ATRNL1: variants seen among roughly 807,000 people sequenced by gnomAD.
ATRNL1 encodes attractin-like protein 1.
ATRNL1 carries 95 observed loss-of-function variants against 182.7 expected under a neutral mutation model. The observed-to-expected ratio is 0.52, with a 90% CI of 0.44 to 0.62. The LOEUF (loss-of-function observed/expected upper bound fraction) is 0.62, where lower values mean the gene tolerates loss of function less well. Among genes scored for constraint, ATRNL1 ranks in the 20% least tolerant of loss-of-function variants. The pLI, the probability that ATRNL1 is intolerant of heterozygous loss-of-function variation, is 0.00. For missense variants in ATRNL1, 1,471 were observed against 1,679.5 expected (o/e 0.88, Z 2.17); for synonymous variants, 576 against 568.3 (o/e 1.01, Z -0.19).
chr10:115,882,648 A>G (rs1555108891), intron 28 of ATRNL1, among the ~76,000 whole-genome samples: 1 of 152,140 alleles, frequency 6.6e-6, no homozygotes, highest in East Asian at 1.9e-4. Context: ...TTGTGGTTTT[A>G]TAGAGGAAGG....
intron 24 of ATRNL1, among the ~76,000 whole-genome samples, chr10:115,512,859 G>A (rs920594515): frequency 1.3e-5 from 2 of 151,882 alleles, no homozygotes; most frequent in Non-Finnish European, 2.9e-5. Context: ...TACAGAGCAA[G>A]CCATGTGAAG....
intron 27 of ATRNL1, among the ~76,000 whole-genome samples, chr10:115,740,511 C>CTATG (rs1407584272): frequency 2.6e-5 from 4 of 151,354 alleles, no homozygotes; most frequent in Non-Finnish European, 2.9e-5. Context: ...ATCTATCTAT[C>CTATG]TATTTTGTTT....
At chr10:115,733,411 T>G (rs1947857843) in intron 27 of ATRNL1, among the ~76,000 whole-genome samples, 1 of 152,212 alleles carries the variant, frequency 6.6e-6, no homozygotes, top group Non-Finnish European at 1.5e-5. Flanking sequence ...ATTTCGAATC[T>G]ACTTTCTATT....
intron 27 of ATRNL1, among the ~76,000 whole-genome samples, chr10:115,764,833 C>T (rs1948818153): frequency 1.3e-5 from 2 of 152,044 alleles, no homozygotes. Context: ...CCACCACACC[C>T]AGCTAAGTTT....
intron 26 of ATRNL1, among the ~76,000 whole-genome samples, chr10:115,682,477 G>A (rs1946078861): frequency 6.6e-6 from 1 of 152,038 alleles, no homozygotes; most frequent in African/African-American, 2.4e-5. Context: ...GGGGACAGAG[G>A]CTGCAGTGAG....
chr10:115,381,075 C>A lies in ATRNL1; in HGVS notation c.3176-13584C>A, dbSNP rs117967512. Among the ~76,000 whole-genome samples the A allele has an allele frequency of 1.1e-3, 167 of 152,166 alleles. 6 individuals are homozygous for A. In the East Asian group the frequency reaches 0.029, roughly 26 times the overall value. The stretch of plus-strand genomic sequence containing the variant: ...TCATTATCTGTCTTTTTTGTTATAG[C>A]CCTCCCAGTATGTGTGAAGTGATCT... On this transcript the variant is annotated intron_variant, in intron 19 of 28. Coordinates refer to ENST00000355044, the MANE Select transcript of ATRNL1 (RefSeq NM_207303.4).
chr10:115,927,115 A>C (rs1953260098), intron 28 of ATRNL1, among the ~76,000 whole-genome samples: 1 of 152,180 alleles, frequency 6.6e-6, no homozygotes, highest in Non-Finnish European at 1.5e-5. Flanking sequence ...TTCAACATAC[A>C]CAAATCAATA....
intron 27 of ATRNL1, among the ~76,000 whole-genome samples, chr10:115,801,753 T>C (rs2907576): frequency 0.78 from 118,632 of 152,042 alleles, 46,460 homozygotes; most frequent in African/African-American, 0.85. Context: ...ACTCTTGCCT[T>C]GGAAGATAAA....
rs58155967 is a variant in ATRNL1 at position 115,389,540 on chromosome 10, G to GTATATATATATATATATATA, written c.3176-5087_3176-5068dup. Among the ~76,000 whole-genome samples, 17 of 44,480 alleles carry GTATATATATATATATATATA rather than the reference G, an allele frequency of 3.8e-4. 4 individuals are homozygous for GTATATATATATATATATATA. The highest frequency in any genetic ancestry group is 5.5e-4 in the Non-Finnish European group (13 of 23,660). 29.2% of individuals were successfully genotyped at this position (44,480 alleles called of 152,430 possible). ...CTGAATAGTATTCAAATGTGTATGTGTATATATATATATATATATATATAT... is the reference window on the plus strand; with the variant it reads ...CTGAATAGTATTCAAATGTGTATGTGTATATATATATATATATATATATATATATATATATATATATATAT... On this transcript the variant is annotated intron_variant, in intron 19 of 28. Transcript: ENST00000355044.
chr10:115,493,079 TC>T (rs1849386024), intron 24 of ATRNL1, among the ~76,000 whole-genome samples: 1 of 152,142 alleles, frequency 6.6e-6, no homozygotes. Context: ...TAAAAAATAA[TC>T]TTTTTTTTTG....
intron 8 of ATRNL1, among the ~76,000 whole-genome samples, chr10:115,178,369 G>T (rs1192306319): frequency 3.9e-5 from 6 of 152,018 alleles, no homozygotes; most frequent in Non-Finnish European, 8.8e-5. Context: ...TTGCAGTAAA[G>T]GTTCCACATG....
rs1848352337 is a variant in ATRNL1 at position 115,472,475 on chromosome 10, A to G, written c.3654+3146A>G. On this transcript the variant is annotated intron_variant, in intron 24 of 28. Transcript: ENST00000355044. ...ACAATGTTAATTCTTCCAATCAATG[A>G]ACATAGGATATTTTCCATTTATTAT... 2.0e-5 allele frequency among the ~76,000 whole-genome samples: 3 copies of G among 151,146 alleles called. 1 individual carries two copies. The South Asian group carries it at 6.2e-4, about 31-fold the overall frequency.
intron 22 of ATRNL1, among the ~76,000 whole-genome samples, chr10:115,465,437 G>T (rs1400960394): frequency 1.3e-5 from 2 of 151,794 alleles, no homozygotes; most frequent in South Asian, 2.1e-4. Context: ...TACAGTCAAA[G>T]AGTTGCTCAG....
chr10:115,605,205 A>T (rs1415674277), intron 26 of ATRNL1, among the ~76,000 whole-genome samples: 2 of 152,082 alleles, frequency 1.3e-5, no homozygotes, highest in Non-Finnish European at 1.5e-5. Context: ...TGACTGCCAA[A>T]GTTTTTCTGC....
At chr10:115,302,146 GA>G (rs1853502816) in intron 17 of ATRNL1, 103 bp downstream of exon 17, 13 of 1,141,858 alleles carry the variant, frequency 1.1e-5, no homozygotes, top group African/African-American at 1.6e-5. Context: ...CAAAAAATGA[GA>G]AAAAATATTG....
At chr10:115,265,409 A>T in intron 11 of ATRNL1, 132 bp downstream of exon 11, 1 of 513,476 alleles carries the variant, frequency 1.9e-6, no homozygotes, top group Admixed American at 3.3e-5. Flanking sequence ...CTTCTCTACC[A>T]TAGAATGCAT....
chr10:115,785,069 C>G (rs1236464320), intron 27 of ATRNL1, among the ~76,000 whole-genome samples: 2 of 152,204 alleles, frequency 1.3e-5, no homozygotes, highest in Non-Finnish European at 2.9e-5. Flanking sequence ...TCCCAAATCT[C>G]ATCATCTAAA....
intron 10 of ATRNL1, among the ~76,000 whole-genome samples, chr10:115,247,359 A>G (rs1296559125): frequency 1.3e-5 from 2 of 152,224 alleles, no homozygotes; most frequent in Non-Finnish European, 2.9e-5. Flanking sequence ...TTTAACAAAA[A>G]TAGGCAAATG....
At chr10:115,600,367 A>G (rs539139668) in intron 26 of ATRNL1, among the ~76,000 whole-genome samples, 7 of 152,134 alleles carry the variant, frequency 4.6e-5, no homozygotes, top group Non-Finnish European at 7.4e-5. Flanking sequence ...CATTTCACCT[A>G]TTCCATGTGA....
Sources: allele counts gnomAD v4.1 joint callset (sites outside exome capture counted in the v4.1 genomes callset), GRCh38; gene constraint gnomAD v4.1.1; transcripts MANE v1.5; gene names NCBI Gene and HGNC (gene_info 2026-07-23, HGNC 2026-07-21).